Variants in TPD52 observed in about 807,000 individuals in gnomAD.
TPD52 encodes tumor protein D52, also known as prostate and colon associated protein.
Under a neutral mutation model 31.3 loss-of-function variants are expected in TPD52, and 17 were observed. The observed-to-expected ratio is 0.54, with a 90% CI of 0.37 to 0.82. The LOEUF is 0.82. TPD52 is among the 40% of genes least tolerant of loss of function. The pLI is 0.00. For missense variants in TPD52, 212 were observed against 240.1 expected, an observed-to-expected ratio of 0.88 and a Z score of 0.77; for synonymous variants, 83 against 89.6, an observed-to-expected ratio of 0.93 and a Z score of 0.42.
downstream of TPD52, chr8:80,032,836 A>G (rs1445129456): frequency 1.3e-5 from 2 of 152,232 alleles, no homozygotes; most frequent in African/African-American, 2.4e-5. Flanking sequence ...CCAGCTGGAA[A>G]CTTCCATGGC....
rs1317938995 is a variant in TPD52 at position 80,036,803 on chromosome 8, A to G, written c.*1313T>C. Reference sequence around the variant, plus strand: ...TTAAAAAATGCTTTAGGTCACTCCAAGCTTGGCAGTTAACATTTGGCATAA... The same window carrying G: ...TTAAAAAATGCTTTAGGTCACTCCAGGCTTGGCAGTTAACATTTGGCATAA... On this transcript the variant is annotated 3_prime_UTR_variant, in exon 8 of 8. Transcript: ENST00000518937. 6.6e-6 allele frequency: 1 copy of G among 152,638 alleles called. No individual in the cohort carries two copies. Among genetic ancestry groups the G allele is most frequent in the African/African-American group, 2.4e-5 (1 of 41,478 alleles). 9.5% of individuals were successfully genotyped at this position (152,638 alleles called of 1,614,324 possible).
intron 5 of TPD52, among the ~76,000 whole-genome samples, chr8:80,047,128 G>A (rs1469528166): frequency 6.6e-6 from 1 of 152,170 alleles, no homozygotes; most frequent in Non-Finnish European, 1.5e-5. Flanking sequence ...GAGGGGCACT[G>A]TCTTAAACCA....
chr8:80,154,727 ACACACACACACACACACACAC>A (rs1810813678), intron 1 of TPD52, among the ~76,000 whole-genome samples: 2 of 146,326 alleles, frequency 1.4e-5, no homozygotes, highest in African/African-American at 2.6e-5. Context: ...ACACACACAC[ACACACACACACACACACACAC>A]ACACAAAACA....
intron 1 of TPD52, among the ~76,000 whole-genome samples, chr8:80,131,900 G>A (rs1809044893): frequency 6.6e-6 from 1 of 151,936 alleles, no homozygotes. Context: ...CAGCTGTCAA[G>A]TCAGAAGAAC....
chr8:80,126,745 T>C (rs1808639792), intron 1 of TPD52, among the ~76,000 whole-genome samples: 1 of 152,070 alleles, frequency 6.6e-6, no homozygotes, highest in Non-Finnish European at 1.5e-5. Context: ...AGCCTCCCTA[T>C]GTGCTGGGAT....
chr8:80,099,808 G>A (rs1806605173), intron 1 of TPD52, among the ~76,000 whole-genome samples: 1 of 152,218 alleles, frequency 6.6e-6, no homozygotes, highest in Non-Finnish European at 1.5e-5. Context: ...AGCGCGCCCA[G>A]CTGGTCTAAC....
At chr8:80,166,721 T>C (rs372468776) in intron 1 of TPD52, among the ~76,000 whole-genome samples, 156 of 151,684 alleles carry the variant, frequency 1.0e-3, no homozygotes, top group African/African-American at 3.5e-3. Flanking sequence ...CTGACCAACA[T>C]GATGAAACCC....
chr8:80,061,132 G>C (rs577329991), intron 2 of TPD52, among the ~76,000 whole-genome samples: 1 of 149,536 alleles, frequency 6.7e-6, no homozygotes, highest in African/African-American at 2.5e-5. Flanking sequence ...TTGGGAGGCC[G>C]AGGCAGGCAG....
rs779389191 is a variant in TPD52, at chr8:80,072,798, CAT to C, written c.20-8207_20-8206del. Reference sequence around the variant, plus strand: ...ATATATACACATACACACACACACACATATATATATATATATAAACTTGGCCA... The same window carrying C: ...ATATATACACATACACACACACACACATATATATATATATAAACTTGGCCA... On this transcript the variant is annotated intron_variant, in intron 1 of 7. Coordinates refer to ENST00000518937, the MANE Select transcript of TPD52 (RefSeq NM_001025253.3). Among the ~76,000 whole-genome samples the C allele has an allele frequency of 7.2e-4, 101 of 140,870 alleles. 5 individuals carry two copies. The highest frequency in any genetic ancestry group is 1.6e-3 in the East Asian group (8 of 5,066). 92.4% of individuals were successfully genotyped at this position (140,870 alleles called of 152,430 possible). A position where few individuals can be genotyped will look rare whatever the true frequency, so the allele number is the denominator to read the frequency against.
At position 80,034,932 on chromosome 8, in the gene TPD52, C is replaced by G. The variant is rs564051952; in HGVS notation, c.*3184G>C. ...TGGCAGGCAAAAGCACTTGCAGACC[C>G]GACTCTCTGAGAACTTACAAACAAA... On this transcript the variant is annotated 3_prime_UTR_variant, in exon 8 of 8. Transcript: ENST00000518937. 6.6e-6 allele frequency: 1 copy of G among 151,784 alleles called. No individual in the cohort carries two copies. The highest frequency in any genetic ancestry group is 2.1e-4 in the South Asian group (1 of 4,822). 9.4% of individuals were successfully genotyped at this position (151,784 alleles called of 1,614,324 possible). A position where few individuals can be genotyped will look rare whatever the true frequency, so the allele number is the denominator to read the frequency against.
At chr8:80,065,276 T>A (rs1187469305) in intron 1 of TPD52, among the ~76,000 whole-genome samples, 2 of 131,516 alleles carry the variant, frequency 1.5e-5, no homozygotes, top group Non-Finnish European at 3.2e-5. Context: ...TATATATATC[T>A]ATATCTATAT....
At chr8:80,137,919 C>T (rs769346874) in intron 1 of TPD52, among the ~76,000 whole-genome samples, 18 of 151,952 alleles carry the variant, frequency 1.2e-4, no homozygotes, top group Non-Finnish European at 2.2e-4. Flanking sequence ...GCCTGAGCGA[C>T]AGAATGAGAC....
chr8:80,041,914 C>A (rs190692642), intron 7 of TPD52, among the ~76,000 whole-genome samples: 175 of 151,978 alleles, frequency 1.2e-3, no homozygotes, highest in African/African-American at 4.2e-3. Context: ...ACAGTGAAAC[C>A]CCATCTCTAC....
At chr8:80,150,070 G>A (rs534751457) in intron 1 of TPD52, among the ~76,000 whole-genome samples, 1 of 152,328 alleles carries the variant, frequency 6.6e-6, no homozygotes, top group East Asian at 1.9e-4. Context: ...TGGTTTCCTG[G>A]GCCAGGTCCA....
rs766245971 is a variant in TPD52 at position 80,052,615 on chromosome 8, A to G, written c.284+667T>C. The G allele has an allele frequency of 2.4e-5, 31 of 1,287,966 alleles. No individual in the cohort carries two copies. In the Middle Eastern group the frequency reaches 8.5e-4, roughly 35 times the overall value. The allele number at this position is 1,287,966 out of a possible 1,614,324, so 79.8% of individuals were successfully genotyped here. A position where few individuals can be genotyped will look rare whatever the true frequency, so the allele number is the denominator to read the frequency against. Reference sequence around the variant, plus strand: ...CAACTTCTGTGCTCACCAGCTCTGCAGATGGCTCTCAATACAGAAGACAGA... The same window carrying G: ...CAACTTCTGTGCTCACCAGCTCTGCGGATGGCTCTCAATACAGAAGACAGA... On this transcript the variant is annotated intron_variant, in intron 3 of 7. Transcript: ENST00000518937.
chr8:80,048,071 A>G (rs1047182556), intron 5 of TPD52, among the ~76,000 whole-genome samples: 1 of 152,216 alleles, frequency 6.6e-6, no homozygotes, highest in African/African-American at 2.4e-5. Flanking sequence ...AACATATGCA[A>G]ACAGAGGGGA....
At chr8:80,138,379 T>C (rs1809587798) in intron 1 of TPD52, among the ~76,000 whole-genome samples, 1 of 152,212 alleles carries the variant, frequency 6.6e-6, no homozygotes, top group African/African-American at 2.4e-5. Context: ...AGAATTTGAA[T>C]GCCCTCTTAG....
intron 1 of TPD52, among the ~76,000 whole-genome samples, chr8:80,092,139 G>T (rs538219157): frequency 1.3e-5 from 2 of 152,114 alleles, no homozygotes; most frequent in Non-Finnish European, 2.9e-5. Context: ...CTATCACCTC[G>T]AGTATTCGTC....
chr8:80,052,466 A>C (rs1173536082), intron 3 of TPD52: 2 of 346,850 alleles, frequency 5.8e-6, no homozygotes, highest in Non-Finnish European at 5.3e-6. Flanking sequence ...TGTTGAAAAA[A>C]TAGTTTCCTG....
Sources: allele counts gnomAD v4.1 joint callset (sites outside exome capture counted in the v4.1 genomes callset), GRCh38; gene constraint gnomAD v4.1.1; transcripts MANE v1.5; gene names NCBI Gene and HGNC (gene_info 2026-07-23, HGNC 2026-07-21).